Variants in CYB5R4 observed in about 807,000 individuals in gnomAD.
The protein encoded by CYB5R4 is cytochrome b5 reductase 4, also known as N-terminal cytochrome b5 and cytochrome b5 oxidoreductase domain-containing protein.
CYB5R4 carries 55 observed loss-of-function variants against 70.2 expected under a neutral mutation model. The observed-to-expected ratio is 0.78, with a 90% confidence interval of 0.63 to 0.98. CYB5R4 has a LOEUF of 0.98. Ranked by LOEUF, CYB5R4 falls within the 50% of genes least tolerant of loss-of-function variation. The probability of loss-of-function intolerance (pLI) is 0.00; values close to 1 mark genes in which losing one functional copy is unlikely to be tolerated. For missense variants in CYB5R4, 562 were observed against 612.6 expected, an observed-to-expected ratio of 0.92 and a Z score of 0.87; for synonymous variants, 197 against 199.5, an observed-to-expected ratio of 0.99 and a Z score of 0.11.
At chr6:83,895,411 C>T (rs2099461720) in intron 3 of CYB5R4, among the ~76,000 whole-genome samples, 1 of 152,132 alleles carries the variant, frequency 6.6e-6, no homozygotes, top group African/African-American at 2.4e-5. Flanking sequence ...AGTACTCTGC[C>T]TGCCTCAGCC....
At chr6:83,898,691 G>A (rs2099462347) in intron 3 of CYB5R4, among the ~76,000 whole-genome samples, 1 of 152,116 alleles carries the variant, frequency 6.6e-6, no homozygotes, top group African/African-American at 2.4e-5. Context: ...TCCCTTGTAA[G>A]TTGGATTCCT....
In CYB5R4 at chr6:83,962,370, C is replaced by CAGAT. The variant is rs1200685710; in HGVS notation, c.*2495_*2498dup. 2 of 152,168 alleles carry CAGAT rather than the reference C, an allele frequency of 1.3e-5. No individual in the cohort carries two copies. Among genetic ancestry groups the CAGAT allele is most frequent in the Non-Finnish European group, 2.9e-5 (2 of 68,038 alleles). 9.4% of individuals were successfully genotyped at this position (152,168 alleles called of 1,614,324 possible). A position where few individuals can be genotyped will look rare whatever the true frequency, so the allele number is the denominator to read the frequency against. On this transcript the variant is annotated 3_prime_UTR_variant, in exon 16 of 16. Coordinates refer to ENST00000369681, the MANE Select transcript of CYB5R4 (RefSeq NM_016230.4). ...GAATGCAACCAAATACTGAGGAGCA[C>CAGAT]AGATAGGAGTATAGTTTATCACTGT... is the stretch of plus-strand genomic sequence containing the variant.
At chr6:83,925,429 A>G (rs1270015618) in intron 10 of CYB5R4, among the ~76,000 whole-genome samples, 12 of 152,192 alleles carry the variant, frequency 7.9e-5, no homozygotes, top group Non-Finnish European at 1.3e-4. Context: ...GATCCAAACC[A>G]TATCTTTTCT....
At chr6:83,901,764 G>T (rs1216739262) in intron 3 of CYB5R4, among the ~76,000 whole-genome samples, 4 of 149,902 alleles carry the variant, frequency 2.7e-5, no homozygotes, top group African/African-American at 9.9e-5. Context: ...TTATGGTTTT[G>T]ATTTGCATGT....
intron 2 of CYB5R4, among the ~76,000 whole-genome samples, chr6:83,882,943 C>A (rs563314659): frequency 6.6e-6 from 1 of 152,260 alleles, no homozygotes; most frequent in Non-Finnish European, 1.5e-5. Flanking sequence ...CACTACACTC[C>A]AGCCTGGGTG....
At chr6:83,891,779 G>A (rs546259392) in intron 2 of CYB5R4, among the ~76,000 whole-genome samples, 73 of 152,092 alleles carry the variant, frequency 4.8e-4, no homozygotes, top group Non-Finnish European at 1.0e-3. Context: ...CAATGTAAAG[G>A]GCTAGCAGGT....
intron 3 of CYB5R4, among the ~76,000 whole-genome samples, chr6:83,898,579 A>C (rs1395915138): frequency 3.9e-5 from 6 of 152,150 alleles, no homozygotes. Context: ...CACGATATTG[A>C]TTCTTCCTAC....
At chr6:83,914,210 G>T (rs376304531) in intron 4 of CYB5R4, among the ~76,000 whole-genome samples, 1 of 152,100 alleles carries the variant, frequency 6.6e-6, no homozygotes, top group Non-Finnish European at 1.5e-5. Flanking sequence ...AACATCTGGA[G>T]AAATATGGTC....
chr6:83,929,557 G>A (rs1364683598), intron 10 of CYB5R4: 1 of 151,962 alleles, frequency 6.6e-6, no homozygotes, highest in Non-Finnish European at 1.5e-5. Context: ...ATTTATAAGT[G>A]TGATGCTTCC....
chr6:83,908,784 G>A (rs1476833687), intron 3 of CYB5R4, among the ~76,000 whole-genome samples: 2 of 152,150 alleles, frequency 1.3e-5, no homozygotes, highest in African/African-American at 4.8e-5. Flanking sequence ...ACCTGAAAGG[G>A]TGTCAGGAAC....
At chr6:83,948,539 G>T (rs190884947) in intron 14 of CYB5R4, among the ~76,000 whole-genome samples, 1 of 152,094 alleles carries the variant, frequency 6.6e-6, no homozygotes, top group African/African-American at 2.4e-5. Flanking sequence ...AACAGACATA[G>T]GTAGGCTTAA....
chr6:83,914,782 A>C (rs1588574731), intron 5 of CYB5R4, among the ~76,000 whole-genome samples: 1 of 149,180 alleles, frequency 6.7e-6, no homozygotes, highest in Admixed American at 6.7e-5. Context: ...TGATCTGCCC[A>C]CCTCGGCCTC....
Position 83,859,774 on chromosome 6 carries a change from G to C in CYB5R4, c.-9G>C. ...ATCCCCGGGCAGGGCCCGGGGCCGG[G>C]GTTTGAAGATGCTGAACGTCCCTTC... On this transcript the variant is annotated 5_prime_UTR_variant, in exon 1 of 16. Coordinates refer to ENST00000369681, the MANE Select transcript of CYB5R4 (RefSeq NM_016230.4). 6.2e-7 allele frequency: 1 copy of C among 1,612,920 alleles called. No homozygotes were observed. Among genetic ancestry groups the C allele is most frequent in the Non-Finnish European group, 8.5e-7 (1 of 1,179,648 alleles).
chr6:83,923,137 A>G (rs2099466677), intron 9 of CYB5R4, among the ~76,000 whole-genome samples: 1 of 151,936 alleles, frequency 6.6e-6, no homozygotes, highest in Non-Finnish European at 1.5e-5. Context: ...ACTATGTTAG[A>G]CAAATTTTTC....
intron 3 of CYB5R4, among the ~76,000 whole-genome samples, chr6:83,907,479 T>G (rs576656932): frequency 0.028 from 4,192 of 151,888 alleles, 175 homozygotes; most frequent in African/African-American, 0.095. Flanking sequence ...TTTTGTTCTT[T>G]TTTTTTTTAA....
chr6:83,939,227 A>C (rs1482845432), intron 12 of CYB5R4, among the ~76,000 whole-genome samples: 1 of 152,226 alleles, frequency 6.6e-6, no homozygotes, highest in Non-Finnish European at 1.5e-5. Context: ...CAAGCATTTT[A>C]AAATAGAGTA....
intron 2 of CYB5R4, among the ~76,000 whole-genome samples, chr6:83,868,440 A>T (rs2099457075): frequency 6.6e-6 from 1 of 152,228 alleles, no homozygotes; most frequent in Admixed American, 6.5e-5. Context: ...TAAAAACAGC[A>T]CTTGGCTGAC....
In CYB5R4 at chr6:83,965,613, T is replaced by C. The variant is rs561724395; in HGVS notation, c.*5735T>C. The C allele has an allele frequency of 6.6e-6, 1 of 152,334 alleles. No homozygotes were observed. Among genetic ancestry groups the C allele is most frequent in the Non-Finnish European group, 1.5e-5 (1 of 68,026 alleles). 9.4% of individuals were successfully genotyped at this position (152,334 alleles called of 1,614,324 possible). On this transcript the variant is annotated 3_prime_UTR_variant, in exon 16 of 16. Transcript: ENST00000369681. The stretch of plus-strand genomic sequence containing the variant: ...TTTGAACTGTGGACTTTTGGGTTAA[T>C]GCTGAAATGATTTAAGACTTTGGGG...
rs2099474187 is a variant in CYB5R4 at position 83,966,984 on chromosome 6, T to G, written c.*7106T>G. 6.6e-6 allele frequency: 1 copy of G among 152,194 alleles called. No individual in the cohort carries two copies. Among genetic ancestry groups the G allele is most frequent in the South Asian group, 2.1e-4 (1 of 4,832 alleles). The allele number at this position is 152,194 out of a possible 1,614,324, so 9.4% of individuals were successfully genotyped here. On this transcript the variant is annotated 3_prime_UTR_variant, in exon 16 of 16. Coordinates refer to ENST00000369681, the MANE Select transcript of CYB5R4 (RefSeq NM_016230.4). Reference sequence around the variant, plus strand: ...TTTAGTTATCTAAACAAAAACTAATTACTTAAAAGGGAAAGAAAATTAGAT... The same window carrying G: ...TTTAGTTATCTAAACAAAAACTAATGACTTAAAAGGGAAAGAAAATTAGAT...
Sources: gnomAD v4.1 joint callset for allele counts (sites outside exome capture counted in the v4.1 genomes callset) on GRCh38, gnomAD v4.1.1 for gene constraint, MANE v1.5 for transcripts, NCBI Gene and HGNC (gene_info 2026-07-23, HGNC 2026-07-21) for gene names.